Variants in MAPKBP1 observed in about 807,000 individuals in gnomAD.
The protein encoded by MAPKBP1 is mitogen-activated protein kinase-binding protein 1.
In MAPKBP1, 71 loss-of-function variants were observed where a neutral mutation model predicts 170.5. The observed-to-expected ratio is 0.42, with a 90% CI of 0.34 to 0.51. The LOEUF is 0.51. Among genes scored for constraint, MAPKBP1 ranks in the 20% least tolerant of loss-of-function variants. MAPKBP1 has a pLI of 0.06. For synonymous variants in MAPKBP1, 719 were observed against 757.9 expected (o/e 0.95, Z 0.84); for missense variants, 1,598 against 1,933.0 (o/e 0.83, Z 3.25).
intron 21 of MAPKBP1, 41 bp from the exon 22 acceptor site, chr15:41,819,554 G>GCGGGGA: frequency 6.7e-7 from 1 of 1,495,298 alleles, no homozygotes; most frequent in Non-Finnish European, 9.2e-7. Flanking sequence ...TGGCGGGGGG[G>GCGGGGA]GGGCAGGAGA....
At chr15:41,794,471 A>G (rs2064450913) in intron 2 of MAPKBP1, among the ~76,000 whole-genome samples, 1 of 152,190 alleles carries the variant, frequency 6.6e-6, no homozygotes, top group South Asian at 2.1e-4. Flanking sequence ...GTGGAATAAT[A>G]GGCAATGTGT....
chr15:41,820,617 T>C (rs1158292109), intron 22 of MAPKBP1, among the ~76,000 whole-genome samples: 1 of 152,210 alleles, frequency 6.6e-6, no homozygotes, highest in Non-Finnish European at 1.5e-5. Flanking sequence ...ACTTACTGTC[T>C]GTGGGACGCA....
chr15:41,822,458 T>G, intron 26 of MAPKBP1, 36 bp downstream of exon 26: 1 of 1,608,550 alleles, frequency 6.2e-7, no homozygotes, highest in Non-Finnish European at 8.5e-7. Flanking sequence ...TGCCTGCAAT[T>G]TGCCCTTCTC....
chr15:41,811,040 G>C (rs1394200701), intron 4 of MAPKBP1, 95 bp downstream of exon 4: 1 of 1,546,408 alleles, frequency 6.5e-7, no homozygotes, highest in African/African-American at 1.4e-5. Context: ...GCTGGGACCT[G>C]GTTGGGTCCT....
chr15:41,804,835 A>T (rs969922414), intron 3 of MAPKBP1, among the ~76,000 whole-genome samples: 1 of 152,140 alleles, frequency 6.6e-6, no homozygotes, highest in Non-Finnish European at 1.5e-5. Context: ...TAGAACTTGA[A>T]GTTGTCTGTG....
At chr15:41,802,742 G>T (rs977311145) in intron 3 of MAPKBP1, among the ~76,000 whole-genome samples, 1 of 152,146 alleles carries the variant, frequency 6.6e-6, no homozygotes, top group Non-Finnish European at 1.5e-5. Flanking sequence ...CCAAAGTGCT[G>T]GCATTACAGG....
intron 2 of MAPKBP1, among the ~76,000 whole-genome samples, chr15:41,783,854 A>G (rs1446286891): frequency 6.6e-6 from 1 of 152,176 alleles, no homozygotes; most frequent in African/African-American, 2.4e-5. Flanking sequence ...CTAAAAACAC[A>G]AAAAATCAGC....
At chr15:41,782,559 A>G (rs866658016) in intron 2 of MAPKBP1, among the ~76,000 whole-genome samples, 1 of 152,204 alleles carries the variant, frequency 6.6e-6, no homozygotes, top group African/African-American at 2.4e-5. Context: ...AAAACTAATG[A>G]TAAGAGAGGT....
At chr15:41,812,836 C>T (rs968067589) in intron 7 of MAPKBP1, 83 bp from the exon 8 acceptor site, 5 of 1,487,656 alleles carry the variant, frequency 3.4e-6, no homozygotes, top group Middle Eastern at 2.5e-4. Flanking sequence ...GTGCTGGAGG[C>T]GTCCCCTGTA....
At chr15:41,791,979 C>T (rs1314546540) in intron 2 of MAPKBP1, among the ~76,000 whole-genome samples, 2 of 150,772 alleles carry the variant, frequency 1.3e-5, no homozygotes, top group Non-Finnish European at 2.9e-5. Context: ...CACTTGAACC[C>T]GGGAGGTGGA....
intron 4 of MAPKBP1, 53 bp downstream of exon 4, chr15:41,810,998 G>C: frequency 6.2e-7 from 1 of 1,604,608 alleles, no homozygotes; most frequent in Non-Finnish European, 8.5e-7. Context: ...GCTATGAGAA[G>C]GGCACTGTCT....
intron 2 of MAPKBP1, among the ~76,000 whole-genome samples, chr15:41,793,862 G>T (rs1486956775): frequency 6.6e-6 from 1 of 152,218 alleles, no homozygotes; most frequent in East Asian, 1.9e-4. Flanking sequence ...TACTCACGAT[G>T]GTGGTTCTGT....
At chr15:41,782,033 G>A (rs2064196821) in intron 2 of MAPKBP1, among the ~76,000 whole-genome samples, 1 of 150,514 alleles carries the variant, frequency 6.6e-6, no homozygotes, top group South Asian at 2.1e-4. Context: ...CGGATCATGA[G>A]GTCAGGAGAT....
Position 41,818,949 on chromosome 15 carries a change from A to C in MAPKBP1, c.2283A>C (p.Gly761=). Residue 761 remains glycine (G), a synonymous_variant, in exon 20 of 31, where the codon GGA becomes GGC. Transcript: ENST00000457542. This position sits in a 1 kb window ranked among gnomAD's most constrained non-coding sequence, Gnocchi z 5.2. ...CATCCTCTCCCCAAAGGGCTTCTGG[A>C]CCCAACCGGTGAGAACAGAATGTGG... is the stretch of plus-strand genomic sequence containing the variant. ...QGPSSPQRAS[G]PNRHQAPSML... is the part of the protein sequence containing the mutation. 6.2e-7 allele frequency: 1 copy of C among 1,614,078 alleles called. No homozygotes were observed. Among genetic ancestry groups the C allele is most frequent in the South Asian group, 1.1e-5 (1 of 91,084 alleles).
intron 10 of MAPKBP1, 54 bp downstream of exon 10, chr15:41,814,793 T>C: frequency 2.5e-6 from 4 of 1,590,618 alleles, no homozygotes; most frequent in Non-Finnish European, 3.4e-6. Flanking sequence ...GGGATACCAT[T>C]TTGAGGACAG....
At chr15:41,813,465 C>T in intron 8 of MAPKBP1, 156 bp from the exon 9 acceptor site, 1 of 1,425,916 alleles carries the variant, frequency 7.0e-7, no homozygotes, top group East Asian at 2.3e-5. Flanking sequence ...CCTGGCTGGA[C>T]AGGGCTGAGG....
chr15:41,776,477 A>C (rs1170625211), intron 2 of MAPKBP1, among the ~76,000 whole-genome samples: 2 of 152,180 alleles, frequency 1.3e-5, no homozygotes, highest in Non-Finnish European at 2.9e-5. Context: ...GTTGTGTTGA[A>C]TCACAGTTTG....
intron 2 of MAPKBP1, among the ~76,000 whole-genome samples, chr15:41,789,241 G>A (rs539623319): frequency 2.0e-5 from 3 of 151,746 alleles, no homozygotes; most frequent in South Asian, 4.2e-4. Flanking sequence ...ATAAAGCTTT[G>A]TTTGTGGTTC....
intron 2 of MAPKBP1, among the ~76,000 whole-genome samples, chr15:41,798,739 T>C (rs747738877): frequency 6.6e-6 from 1 of 152,158 alleles, no homozygotes; most frequent in Non-Finnish European, 1.5e-5. Flanking sequence ...GTGTTTCTGG[T>C]TTACATTGCC....
Sources: gnomAD v4.1 joint callset for allele counts (sites outside exome capture counted in the v4.1 genomes callset) on GRCh38, gnomAD v4.1.1 for gene constraint, Gnocchi (gnomAD v3.1) non-coding constraint, MANE v1.5 for transcripts, NCBI Gene and HGNC (gene_info 2026-07-23, HGNC 2026-07-21) for gene names.